CTBP2: variants seen among roughly 807,000 people sequenced by gnomAD.
CTBP2 encodes C-terminal binding protein 2.
CTBP2 carries 30 observed loss-of-function variants against 80.3 expected under a neutral mutation model. The ratio of observed to expected loss-of-function variants is 0.37; its 90% CI spans 0.28 to 0.51. CTBP2 has a LOEUF of 0.51. Among genes scored for constraint, CTBP2 ranks in the 20% least tolerant of loss-of-function variants. The pLI, the probability that CTBP2 is intolerant of heterozygous loss-of-function variation, is 0.93. For missense variants in CTBP2, 1,212 were observed against 1,375.3 expected, an observed-to-expected ratio of 0.88 and a Z score of 1.88; for synonymous variants, 594 against 587.4, an observed-to-expected ratio of 1.01 and a Z score of -0.16.
At chr10:125,041,032 CCCTTGAGCAGAT>C (rs1393620949) in intron 2 of CTBP2, among the ~76,000 whole-genome samples, 3 of 152,190 alleles carry the variant, frequency 2.0e-5, no homozygotes, top group African/African-American at 7.2e-5. Context: ...TGTGGGGTTA[CCCTTGAGCAGAT>C]CCATGTGGAC....
intron 2 of CTBP2, among the ~76,000 whole-genome samples, chr10:125,060,240 C>T (rs1378488963): frequency 4.5e-5 from 1 of 22,242 alleles, no homozygotes; most frequent in Non-Finnish European, 8.0e-5. Flanking sequence ...CCAAGGGAAT[C>T]CGCAGAGGAA....
chr10:125,055,724 G>C (rs1159755418), intron 2 of CTBP2, among the ~76,000 whole-genome samples: 1 of 152,122 alleles, frequency 6.6e-6, no homozygotes, highest in East Asian at 1.9e-4. Context: ...AGCCAGACTA[G>C]CATGTAAAAT....
chr10:125,093,038 C>T (rs188701786), intron 2 of CTBP2, among the ~76,000 whole-genome samples: 7 of 152,146 alleles, frequency 4.6e-5, no homozygotes, highest in African/African-American at 1.7e-4. Context: ...CAGTGCCCAG[C>T]GACTCCAGAC....
At chr10:124,998,389 G>A in intron 3 of CTBP2, 1 of 592,296 alleles carries the variant, frequency 1.7e-6, no homozygotes, top group Non-Finnish European at 3.0e-6. Flanking sequence ...CTCCCAAGGA[G>A]GACTTTTGCT....
At chr10:125,063,265 G>A (rs1006954705) in intron 2 of CTBP2, among the ~76,000 whole-genome samples, 1 of 152,248 alleles carries the variant, frequency 6.6e-6, no homozygotes, top group Non-Finnish European at 1.5e-5. Context: ...TGTGGAAACA[G>A]CATGGGCGAA....
At chr10:125,077,031 G>C (rs574394819) in intron 2 of CTBP2, among the ~76,000 whole-genome samples, 1 of 152,322 alleles carries the variant, frequency 6.6e-6, no homozygotes, top group African/African-American at 2.4e-5. Flanking sequence ...CAGGCCAACT[G>C]ATGTGTGTGT....
At chr10:125,126,550 G>A (rs1395372469) in intron 1 of CTBP2, among the ~76,000 whole-genome samples, 1 of 152,222 alleles carries the variant, frequency 6.6e-6, no homozygotes, top group African/African-American at 2.4e-5. Context: ...GAAAGCCACA[G>A]ATGAACCGAA....
intron 1 of CTBP2, among the ~76,000 whole-genome samples, chr10:125,013,090 G>A: frequency 6.6e-6 from 1 of 152,186 alleles, no homozygotes; most frequent in East Asian, 1.9e-4. Context: ...GGTGGCAGCT[G>A]CCAGCATGTG....
intron 2 of CTBP2, among the ~76,000 whole-genome samples, chr10:125,100,312 A>C (rs1230142746): frequency 6.6e-6 from 1 of 152,240 alleles, no homozygotes; most frequent in African/African-American, 2.4e-5. Context: ...CAAAAGCCAG[A>C]AATCCATTTA....
At chr10:125,064,541 A>G (rs1287532600) in intron 2 of CTBP2, among the ~76,000 whole-genome samples, 6 of 152,182 alleles carry the variant, frequency 3.9e-5, no homozygotes, top group Non-Finnish European at 8.8e-5. Context: ...TTTCAGGTAC[A>G]TGAAAAAAAA....
At chr10:125,001,076 A>C (rs575065897) in intron 3 of CTBP2, 1 of 152,284 alleles carries the variant, frequency 6.6e-6, no homozygotes, top group African/African-American at 2.4e-5. Context: ...CAGGGAACAC[A>C]ACCTCCCATC....
At chr10:125,054,705 A>G (rs781567295) in intron 2 of CTBP2, among the ~76,000 whole-genome samples, 1 of 152,178 alleles carries the variant, frequency 6.6e-6, no homozygotes, top group Non-Finnish European at 1.5e-5. Context: ...GACACAGTAC[A>G]GTTCAACAGA....
chr10:125,084,657 A>G (rs1847710415), intron 2 of CTBP2, among the ~76,000 whole-genome samples: 1 of 152,154 alleles, frequency 6.6e-6, no homozygotes. Flanking sequence ...AGCACTCAGA[A>G]GCACAGCCCT....
chr10:125,063,980 C>T (rs1175127994), intron 2 of CTBP2, among the ~76,000 whole-genome samples: 1 of 152,120 alleles, frequency 6.6e-6, no homozygotes, highest in African/African-American at 2.4e-5. Flanking sequence ...CCCCCCGCAC[C>T]CCAACTTTAG....
rs185909935 is a variant in CTBP2, at chr10:124,985,202, T to A, written c.*4316A>T. ...AGAACTTTAGTTGGACTACAGTTTG[T>A]AAAAAAAACTAATTTTATTAAGACA... On this transcript the variant is annotated 3_prime_UTR_variant, in exon 9 of 9. Coordinates refer to ENST00000309035, the MANE Select transcript of CTBP2 (RefSeq NM_022802.3). The A allele has an allele frequency of 9.4e-4, 435 of 464,232 alleles. 5 individuals carry two copies. The East Asian group carries it at 0.012, about 13-fold the overall frequency. 28.8% of individuals were successfully genotyped at this position (464,232 alleles called of 1,614,324 possible). A position where few individuals can be genotyped will look rare whatever the true frequency, so the allele number is the denominator to read the frequency against.
chr10:124,989,114 T>C lies in CTBP2; in HGVS notation c.*404A>G. On this transcript the variant is annotated 3_prime_UTR_variant, in exon 9 of 9. Coordinates refer to ENST00000309035, the MANE Select transcript of CTBP2 (RefSeq NM_022802.3). ...ACCAGCCCCTGTAGACTTAAGGGACTCAAGTCACAGGATGGGGATTTCCTC... is the reference window on the plus strand; with the variant it reads ...ACCAGCCCCTGTAGACTTAAGGGACCCAAGTCACAGGATGGGGATTTCCTC... The C allele has an allele frequency of 4.1e-6, 1 of 242,588 alleles. No individual in the cohort carries two copies. The highest frequency in any genetic ancestry group is 5.2e-5 in the Admixed American group (1 of 19,072). The allele number at this position is 242,588 out of a possible 1,614,324, so 15.0% of individuals were successfully genotyped here.
chr10:125,026,074 T>C lies in CTBP2; in HGVS notation c.1678+8A>G. On this transcript the variant is annotated splice_region_variant and intron_variant, in intron 1 of 8. Transcript: ENST00000309035. ...CCCCAGGCAGGGCAGGCGGGGAGGATGTATTACTTGGTTCTGGTGCAAGCA... is the reference window on the plus strand; with the variant it reads ...CCCCAGGCAGGGCAGGCGGGGAGGACGTATTACTTGGTTCTGGTGCAAGCA... The C allele has an allele frequency of 1.3e-6, 2 of 1,549,344 alleles. No individual in the cohort carries two copies. The highest frequency in any genetic ancestry group is 1.8e-6 in the Non-Finnish European group (2 of 1,142,272).
chr10:125,143,633 T>C (rs1418799452), intron 1 of CTBP2, among the ~76,000 whole-genome samples: 4 of 151,270 alleles, frequency 2.6e-5, no homozygotes, highest in Non-Finnish European at 5.9e-5. Context: ...CAGTAATGCA[T>C]AACTGCTTAA....
chr10:125,036,901 G>A (rs1564770339), intron 3 of CTBP2, among the ~76,000 whole-genome samples: 1 of 152,082 alleles, frequency 6.6e-6, no homozygotes, highest in East Asian at 1.9e-4. Context: ...CCCATAACAG[G>A]TGCCACAAGG....
Sources: gnomAD v4.1 joint callset for allele counts (sites outside exome capture counted in the v4.1 genomes callset) on GRCh38, gnomAD v4.1.1 for gene constraint, MANE v1.5 for transcripts, NCBI Gene and HGNC (gene_info 2026-07-23, HGNC 2026-07-21) for gene names.